Variants in KLK5 observed in about 807,000 individuals in gnomAD.
The protein encoded by KLK5 is kallikrein-5.
A neutral mutation model predicts 24.0 loss-of-function variants in KLK5; 18 were observed. The ratio of observed to expected loss-of-function variants is 0.75; its 90% confidence interval spans 0.52 to 1.11. The LOEUF is 1.11. KLK5 is among the 50% of genes most tolerant of loss of function. The pLI, the probability that KLK5 is intolerant of heterozygous loss-of-function variation, is 0.00. For synonymous variants in KLK5, 140 were observed against 154.0 expected (o/e 0.91, Z 0.67); for missense variants, 374 against 379.2 (o/e 0.99, Z 0.11).
Position 50,949,746 on chromosome 19 carries a change from T to G in KLK5, c.335+109A>C, listed in dbSNP as rs1382222159. The G allele has an allele frequency of 2.0e-5, 4 of 196,578 alleles. 1 individual carries two copies. The highest frequency in any genetic ancestry group is 4.1e-5 in the South Asian group (1 of 24,470). The allele number at this position is 196,578 out of a possible 1,614,324, so 12.2% of individuals were successfully genotyped here. On this transcript the variant is annotated intron_variant, in intron 3 of 5. Coordinates refer to ENST00000336334, the MANE Select transcript of KLK5 (RefSeq NM_012427.5). ...CCTTCCATGACACCCCCAACCCCAC[T>G]TCCCCGTCCCCACCAGCCCTCACCT...
chr19:50,947,989 A>C lies in KLK5; in HGVS notation c.726+651T>G, dbSNP rs1400679648. 6.6e-6 allele frequency among the ~76,000 whole-genome samples: 1 copy of C among 152,222 alleles called. No individual in the cohort carries two copies. The highest frequency in any genetic ancestry group is 2.4e-5 in the African/African-American group (1 of 41,460). On this transcript the variant is annotated intron_variant, in intron 5 of 5. Transcript: ENST00000336334. This position sits in a 1 kb window ranked among gnomAD's most constrained non-coding sequence, Gnocchi z 8.7. Reference sequence around the variant, plus strand: ...ATAACATATATACTCACTTTCAAAGACTTAATATGAAAACAAGAAAAGAAT... The same window carrying C: ...ATAACATATATACTCACTTTCAAAGCCTTAATATGAAAACAAGAAAAGAAT...
rs1270337887 is a variant in KLK5, at chr19:50,947,838, C to T, written c.726+802G>A. On this transcript the variant is annotated intron_variant, in intron 5 of 5. Coordinates refer to ENST00000336334, the MANE Select transcript of KLK5 (RefSeq NM_012427.5). The surrounding 1 kb of genome is among the most constrained non-coding windows in gnomAD (Gnocchi z 8.7). ...TATCTTTATGCAGTGCACAACCTGC[C>T]CAACCATACAAAACAGCCCTGATCT... is the stretch of plus-strand genomic sequence containing the variant. 6.6e-6 allele frequency among the ~76,000 whole-genome samples: 1 copy of T among 152,122 alleles called. No homozygotes were observed. Among genetic ancestry groups the T allele is most frequent in the Non-Finnish European group, 1.5e-5 (1 of 68,018 alleles).
rs1390099191 is a variant in KLK5, at chr19:50,947,800, CT to C, written c.726+839del. 2.0e-5 allele frequency among the ~76,000 whole-genome samples: 3 copies of C among 152,194 alleles called. No individual in the cohort carries two copies. The highest frequency in any genetic ancestry group is 2.9e-5 in the Non-Finnish European group (2 of 68,032). ...CTGACATCTGTAACACGGAGTGCCC[CT>C]ATTAGATATGGTATCTTTATGCAGT... On this transcript the variant is annotated intron_variant, in intron 5 of 5. Coordinates refer to ENST00000336334, the MANE Select transcript of KLK5 (RefSeq NM_012427.5). The surrounding 1 kb of genome is among the most constrained non-coding windows in gnomAD (Gnocchi z 8.7).
Position 50,949,876 on chromosome 19 carries a change from G to A in KLK5, c.314C>T (p.Thr105Met), listed in dbSNP as rs866447763. The A allele has an allele frequency of 2.1e-6, 3 of 1,457,912 alleles. No individual in the cohort carries two copies. The highest frequency in any genetic ancestry group is 1.8e-6 in the Non-Finnish European group (2 of 1,086,822). 90.3% of individuals were successfully genotyped at this position (1,457,912 alleles called of 1,614,324 possible). The change falls in exon 3 of 6, where the codon ACG (threonine) becomes ATG (methionine). Residue 105 changes from threonine (T) to methionine (M), a missense_variant. By Grantham distance (81) the Thr-to-Met change is moderately conservative (BLOSUM62 -1). Transcript: ENST00000336334. The stretch of plus-strand genomic sequence containing the variant: ...TCACTTCTTCCTGCAGTGGGCGGCC[G>A]TGAGCAGCCACTGTGGATGCACCAA... ...AVLVHPQWLL[T>M]AAHCRKKVFR...
intron 5 of KLK5, 56 bp downstream of exon 5, chr19:50,948,584 A>C: frequency 6.3e-7 from 1 of 1,589,270 alleles, no homozygotes; most frequent in South Asian, 1.1e-5. Flanking sequence ...GCAACGCTCC[A>C]TGTTACCGAG....
At position 50,943,477 on chromosome 19, in the gene KLK5, G is replaced by C; in HGVS notation, c.*154C>G. ...TAGAGAGACACGGTCAGCCCAATGT[G>C]GGGGAAGCAGACCCTGAGTCCAGGA... On this transcript the variant is annotated 3_prime_UTR_variant, in exon 6 of 6. Transcript: ENST00000336334. The C allele has an allele frequency of 2.9e-6, 2 of 690,610 alleles. No individual in the cohort carries two copies. Among genetic ancestry groups the C allele is most frequent in the East Asian group, 5.3e-5 (2 of 37,534 alleles). 42.8% of individuals were successfully genotyped at this position (690,610 alleles called of 1,614,324 possible). A position where few individuals can be genotyped will look rare whatever the true frequency, so the allele number is the denominator to read the frequency against.
At chr19:50,950,536 G>A (rs868735472) in intron 2 of KLK5, among the ~76,000 whole-genome samples, 7 of 152,010 alleles carry the variant, frequency 4.6e-5, no homozygotes, top group South Asian at 2.1e-4. Flanking sequence ...GGCAGGAAGG[G>A]GTTTGGAATT....
At position 50,949,937 on chromosome 19, in the gene KLK5, A is replaced by G. The variant is rs770771763; in HGVS notation, c.253T>C (p.Leu85=). The G allele has an allele frequency of 1.9e-6, 3 of 1,613,470 alleles. No individual in the cohort carries two copies. Among genetic ancestry groups the G allele is most frequent in the Non-Finnish European group, 2.5e-6 (3 of 1,179,946 alleles). ...CAGTAGAGCTGGTTGGGCCTTAGCA[A>G]CAGCGCGGCCTGCCACGGCTGGGTG... is the stretch of plus-strand genomic sequence containing the variant. The part of the protein sequence containing the change: ...MHTQPWQAAL[L]LRPNQLYCGA... Residue 85 remains leucine (L), a synonymous_variant, in exon 3 of 6, where the codon TTG becomes CTG. Coordinates refer to ENST00000336334, the MANE Select transcript of KLK5 (RefSeq NM_012427.5).
rs2123572953 is a variant in KLK5 at position 50,949,878 on chromosome 19, G to A, written c.312C>T (p.Leu104=). ...GAVLVHPQWL[L]TAAHCRKKVF... ...ACTTCTTCCTGCAGTGGGCGGCCGTGAGCAGCCACTGTGGATGCACCAACA... is the reference window on the plus strand; with the variant it reads ...ACTTCTTCCTGCAGTGGGCGGCCGTAAGCAGCCACTGTGGATGCACCAACA... Residue 104 remains leucine, a synonymous_variant, in exon 3 of 6, where the codon CTC becomes CTT. Transcript: ENST00000336334. 6.4e-7 allele frequency: 1 copy of A among 1,552,754 alleles called. No homozygotes were observed. The highest frequency in any genetic ancestry group is 3.0e-5 in the East Asian group (1 of 33,706).
chr19:50,946,564 C>CTT (rs200102637), intron 5 of KLK5, among the ~76,000 whole-genome samples: 69 of 124,450 alleles, frequency 5.5e-4, no homozygotes, highest in Non-Finnish European at 8.5e-4. Flanking sequence ...CTTTTCTTTT[C>CTT]TTTTTTTTTT....
At chr19:50,949,798 C>T in intron 3 of KLK5, 57 bp downstream of exon 3, 2 of 386,326 alleles carry the variant, frequency 5.2e-6, no homozygotes, top group South Asian at 3.3e-5. Context: ...CCCACTTCCC[C>T]ACCCCCACCC....
intron 2 of KLK5, among the ~76,000 whole-genome samples, chr19:50,951,535 G>A (rs548968061): frequency 3.9e-5 from 6 of 152,276 alleles, no homozygotes; most frequent in African/African-American, 1.4e-4. Flanking sequence ...GCCTCCCAAA[G>A]GGCTGGGATT....
At chr19:50,950,245 T>G (rs1455199159) in intron 2 of KLK5, 129 bp from the exon 3 acceptor site, 4 of 858,800 alleles carry the variant, frequency 4.7e-6, no homozygotes, top group African/African-American at 1.7e-5. Flanking sequence ...GGGCAGGGCC[T>G]GGAGAATAAG....
At chr19:50,945,631 G>GGA in intron 5 of KLK5, among the ~76,000 whole-genome samples, 1 of 144,172 alleles carries the variant, frequency 6.9e-6, no homozygotes, top group East Asian at 2.1e-4. Flanking sequence ...CATCTCTACG[G>GGA]AAAAAAAAAA....
At position 50,952,589 on chromosome 19, in the gene KLK5, G is replaced by C; in HGVS notation, c.69C>G (p.Val23=). 1 of 1,602,472 alleles carries C rather than the reference G, an allele frequency of 6.2e-7. No homozygotes were observed. Among genetic ancestry groups the C allele is most frequent in the Non-Finnish European group, 8.5e-7 (1 of 1,173,488 alleles). ...CALITALLLG[V]TEHVLANNDV... Reference sequence around the variant, plus strand: ...CCACCCCAGAGTTCTGGTTACCTGTGACCCCCAGAAGCAAGGCTGTGATCA... The same window carrying C: ...CCACCCCAGAGTTCTGGTTACCTGTCACCCCCAGAAGCAAGGCTGTGATCA... Residue 23 remains valine, a synonymous_variant, in exon 2 of 6, where the codon GTC becomes GTG. Transcript: ENST00000336334.
At chr19:50,952,473 C>G in intron 2 of KLK5, 112 bp downstream of exon 2, 1 of 664,558 alleles carries the variant, frequency 1.5e-6, no homozygotes, top group Non-Finnish European at 2.4e-6. Context: ...CACATTCACC[C>G]GGTCCCGGAG....
intron 3 of KLK5, 103 bp downstream of exon 3, chr19:50,949,752 G>A (rs1441509564): frequency 1.9e-4 from 27 of 142,046 alleles, no homozygotes; most frequent in Admixed American, 8.9e-4. Flanking sequence ...CCACTTCCCC[G>A]TCCCCACCAG....
intron 5 of KLK5, among the ~76,000 whole-genome samples, chr19:50,944,009 C>CTT (rs111307117): frequency 2.1e-5 from 3 of 144,634 alleles, no homozygotes; most frequent in African/African-American, 7.6e-5. Context: ...CCAAATCCAG[C>CTT]TTTTTTTTTT....
chr19:50,945,104 T>C (rs1290024840), intron 5 of KLK5, among the ~76,000 whole-genome samples: 1 of 149,808 alleles, frequency 6.7e-6, no homozygotes, highest in African/African-American at 2.5e-5. Context: ...CTTCGTCTCT[T>C]TTTTTTTTCT....
Sources: allele counts gnomAD v4.1 joint callset (sites outside exome capture counted in the v4.1 genomes callset), GRCh38; gene constraint gnomAD v4.1.1; non-coding constraint Gnocchi (gnomAD v3.1); transcripts MANE v1.5; gene names NCBI Gene and HGNC (gene_info 2026-07-23, HGNC 2026-07-21).